The following CACNA1A variants were observed in gnomAD, a reference collection of about 807,000 sequenced individuals.
CACNA1A encodes voltage-dependent P/Q-type calcium channel subunit alpha-1A.
A neutral mutation model predicts 262.4 loss-of-function variants in CACNA1A; 57 were observed. The ratio of observed to expected loss-of-function variants is 0.22; its 90% CI spans 0.18 to 0.27. The LOEUF is 0.27. Ranked by LOEUF, CACNA1A falls within the 10% of genes least tolerant of loss-of-function variation. The pLI is 1.00. For missense variants in CACNA1A, 2,526 were observed against 3,562.8 expected, an observed-to-expected ratio of 0.71 and a Z score of 7.41; for synonymous variants, 1,431 against 1,419.3, an observed-to-expected ratio of 1.01 and a Z score of -0.18.
chr19:13,436,518 T>TTCATTCATTCACTCAC (rs2060613882), intron 3 of CACNA1A, among the ~76,000 whole-genome samples: 4 of 148,100 alleles, frequency 2.7e-5, no homozygotes, highest in South Asian at 4.3e-4. Flanking sequence ...AATTCACTCA[T>TTCATTCATTCACTCAC]TCATTCATTC....
chr19:13,444,486 T>C (rs1172608762), intron 3 of CACNA1A, among the ~76,000 whole-genome samples: 1 of 151,904 alleles, frequency 6.6e-6, no homozygotes, highest in African/African-American at 2.4e-5. Context: ...ACATGAGAGG[T>C]GTATGGTCAA....
chr19:13,234,749 G>GGCC (rs146596202), intron 34 of CACNA1A, 172 bp downstream of exon 34: 1 of 419,282 alleles, frequency 2.4e-6, no homozygotes, highest in Non-Finnish European at 3.9e-6. Flanking sequence ...CGGAAGAGAA[G>GGCC]GGCACGCCCC....
At position 13,208,879 on chromosome 19, in the gene CACNA1A, ATGGTGGTGGTGGTGG is replaced by A. The variant is rs759331923; in HGVS notation, c.6642_6656del (p.His2215_His2219del). On this transcript the variant is annotated inframe_deletion, in exon 46 of 47. Coordinates refer to ENST00000360228, the MANE Select transcript of CACNA1A (RefSeq NM_001127222.2). ...AGCGGTCCTTGTCGGGGGGCGGGGG[ATGGTGGTGGTGGTGG>A]TGGTGGTGGTGGTGCTGTCGATGCT... is the stretch of plus-strand genomic sequence containing the variant. 9.6e-6 allele frequency: 14 copies of A among 1,454,150 alleles called. No individual in the cohort carries two copies. The highest frequency in any genetic ancestry group is 3.7e-5 in the South Asian group (3 of 81,372). The allele number at this position is 1,454,150 out of a possible 1,614,324, so 90.1% of individuals were successfully genotyped here.
intron 27 of CACNA1A, chr19:13,258,138 A>AG (rs1404884898): frequency 6.6e-6 from 1 of 152,098 alleles, no homozygotes; most frequent in Non-Finnish European, 1.5e-5. Flanking sequence ...CCTCCCAGGG[A>AG]GGTTATTACT....
chr19:13,487,043 C>T (rs1302121190), intron 1 of CACNA1A, among the ~76,000 whole-genome samples: 1 of 152,204 alleles, frequency 6.6e-6, no homozygotes, highest in African/African-American at 2.4e-5. Flanking sequence ...TCCCAAGCAT[C>T]AGTGGCACGG....
At chr19:13,368,574 T>C (rs1224615998) in intron 4 of CACNA1A, among the ~76,000 whole-genome samples, 1 of 152,214 alleles carries the variant, frequency 6.6e-6, no homozygotes, top group Non-Finnish European at 1.5e-5. Context: ...ACCACTATGG[T>C]ATCTACTAGG....
intron 38 of CACNA1A, among the ~76,000 whole-genome samples, chr19:13,217,295 T>C (rs1458228324): frequency 6.6e-6 from 1 of 152,098 alleles, no homozygotes; most frequent in Non-Finnish European, 1.5e-5. Context: ...TCTCCCAGTC[T>C]CCAGCAATGA....
chr19:13,228,733 A>G (rs1177841661), intron 36 of CACNA1A: 1 of 1,601,410 alleles, frequency 6.2e-7, no homozygotes, highest in Non-Finnish European at 8.5e-7. Context: ...TTTCTTGCCT[A>G]AGCCGAGAGG....
At position 13,308,077 on chromosome 19, in the gene CACNA1A, G is replaced by A; in HGVS notation, c.1913+43C>T. Reference sequence around the variant, plus strand: ...AGGGGACTGTGTGTTCCCTGAGCCTGACCCCAGGGAACCAGGAGTTGGAAT... The same window carrying A: ...AGGGGACTGTGTGTTCCCTGAGCCTAACCCCAGGGAACCAGGAGTTGGAAT... On this transcript the variant is annotated intron_variant, in intron 14 of 46. Transcript: ENST00000360228. The surrounding 1 kb of genome is among the most constrained non-coding windows in gnomAD (Gnocchi z 4.2). 1 of 1,610,072 alleles carries A rather than the reference G, an allele frequency of 6.2e-7. No homozygotes were observed. Among genetic ancestry groups the A allele is most frequent in the Non-Finnish European group, 8.5e-7 (1 of 1,177,386 alleles).
chr19:13,390,557 T>C (rs182371365), intron 3 of CACNA1A, among the ~76,000 whole-genome samples: 1 of 152,084 alleles, frequency 6.6e-6, no homozygotes, highest in Non-Finnish European at 1.5e-5. Context: ...AAGAACTGAG[T>C]TTTAAATTTC....
intron 43 of CACNA1A, chr19:13,211,859 A>G: frequency 4.2e-6 from 2 of 479,556 alleles, no homozygotes; most frequent in Non-Finnish European, 7.6e-6. Context: ...TGCAGTGGCC[A>G]CTGCCCTCTG....
chr19:13,455,300 T>G (rs1430353588), intron 1 of CACNA1A, 88 bp from the exon 2 acceptor site: 2 of 757,208 alleles, frequency 2.6e-6, no homozygotes, highest in Non-Finnish European at 4.8e-6. Flanking sequence ...TGGAAAGATC[T>G]CAAGCCCTCT....
intron 1 of CACNA1A, among the ~76,000 whole-genome samples, chr19:13,468,202 G>A (rs568080732): frequency 2.6e-5 from 4 of 151,862 alleles, no homozygotes; most frequent in East Asian, 1.9e-4. Flanking sequence ...TCTCGGGGTC[G>A]GGAAGAGAGT....
chr19:13,380,208 C>T (rs2059493219), intron 3 of CACNA1A, among the ~76,000 whole-genome samples: 2 of 117,034 alleles, frequency 1.7e-5, no homozygotes, highest in South Asian at 6.1e-4. Flanking sequence ...AGCTTGAACC[C>T]GGGTGACAGA....
At chr19:13,267,501 G>A (rs1042060508) in intron 24 of CACNA1A, among the ~76,000 whole-genome samples, 2 of 152,196 alleles carry the variant, frequency 1.3e-5, no homozygotes, top group African/African-American at 2.4e-5. Context: ...AATTCACCAC[G>A]GAAAGTCACT....
At chr19:13,210,046 T>C (rs910277751) in intron 44 of CACNA1A, among the ~76,000 whole-genome samples, 3 of 151,992 alleles carry the variant, frequency 2.0e-5, no homozygotes, top group Non-Finnish European at 4.4e-5. Flanking sequence ...GTCTGAGTCC[T>C]TCTGGTGAGG....
intron 9 of CACNA1A, among the ~76,000 whole-genome samples, chr19:13,331,726 G>A (rs1192829762): frequency 6.6e-6 from 1 of 151,740 alleles, no homozygotes; most frequent in Non-Finnish European, 1.5e-5. Context: ...CTGGAGTGGA[G>A]TGGTGCCCAC....
chr19:13,482,848 T>TTTTGTG (rs1491389661), intron 1 of CACNA1A, among the ~76,000 whole-genome samples: 1 of 133,924 alleles, frequency 7.5e-6, no homozygotes, highest in Non-Finnish European at 1.6e-5. Flanking sequence ...TTCTCTCAAC[T>TTTTGTG]TGTGTGTGTG....
Position 13,442,047 on chromosome 19 carries a change from A to G in CACNA1A, c.539+10829T>C, listed in dbSNP as rs960914574. Among the ~76,000 whole-genome samples the G allele has an allele frequency of 5.9e-5, 9 of 152,162 alleles. 1 individual carries two copies. ...GGGAGGGAAGAGAACATTTTAGCAC[A>G]ATACGGTGTGCTGGGAGCTGTCCAG... On this transcript the variant is annotated intron_variant, in intron 3 of 46. Transcript: ENST00000360228.
Sources: allele counts gnomAD v4.1 joint callset (sites outside exome capture counted in the v4.1 genomes callset), GRCh38; gene constraint gnomAD v4.1.1; non-coding constraint Gnocchi (gnomAD v3.1); transcripts MANE v1.5; gene names NCBI Gene and HGNC (gene_info 2026-07-23, HGNC 2026-07-21).